BANK1: variants seen among roughly 807,000 people sequenced by gnomAD.
BANK1 encodes B-cell scaffold protein with ankyrin repeats.
Under a neutral mutation model 94.5 loss-of-function variants are expected in BANK1, and 95 were observed. The ratio of observed to expected loss-of-function variants is 1.00; its 90% CI spans 0.85 to 1.19. BANK1 has a LOEUF of 1.19. BANK1 is among the 50% of genes most tolerant of loss of function. The pLI is 0.00. For missense variants in BANK1, 987 were observed against 932.2 expected (o/e 1.06, Z -0.77); for synonymous variants, 334 against 308.4 (o/e 1.08, Z -0.87).
intron 5 of BANK1, among the ~76,000 whole-genome samples, chr4:101,881,002 A>G (rs1045071573): frequency 1.3e-4 from 20 of 152,160 alleles, no homozygotes; most frequent in Admixed American, 1.3e-3. Flanking sequence ...TCTCCAGGAC[A>G]TTGGTTTGGG....
At chr4:101,996,869 CT>C (rs1214056939) in intron 7 of BANK1, among the ~76,000 whole-genome samples, 11 of 152,186 alleles carry the variant, frequency 7.2e-5, no homozygotes, top group Admixed American at 6.5e-4. Context: ...ATCATGTCAT[CT>C]GCAAACAGAG....
chr4:102,007,141 A>AT (rs2148939729), intron 7 of BANK1, among the ~76,000 whole-genome samples: 1 of 14,916 alleles, frequency 6.7e-5, no homozygotes, highest in Non-Finnish European at 1.7e-4. Context: ...TATAAAAAAT[A>AT]TATTTTATAT....
intron 2 of BANK1, among the ~76,000 whole-genome samples, chr4:101,846,525 T>C (rs1727252734): frequency 1.3e-5 from 2 of 152,170 alleles, no homozygotes; most frequent in African/African-American, 4.8e-5. Context: ...TTAAGAAGAC[T>C]GGGTAATTTT....
chr4:101,802,510 A>G (rs1023856044), intron 1 of BANK1, among the ~76,000 whole-genome samples: 6 of 152,196 alleles, frequency 3.9e-5, no homozygotes, highest in African/African-American at 7.2e-5. Flanking sequence ...GCTTTTTTAT[A>G]TATCTTTTAT....
chr4:101,844,088 A>T (rs1727158262), intron 2 of BANK1, among the ~76,000 whole-genome samples: 2 of 152,150 alleles, frequency 1.3e-5, no homozygotes, highest in Non-Finnish European at 2.9e-5. Context: ...CAGGCCTTTA[A>T]TCCATGGAGT....
At chr4:101,939,993 C>T (rs1176242971) in intron 7 of BANK1, among the ~76,000 whole-genome samples, 1 of 151,674 alleles carries the variant, frequency 6.6e-6, no homozygotes, top group Non-Finnish European at 1.5e-5. Flanking sequence ...AAATTCATCT[C>T]CTAGCTTCCC....
At chr4:101,899,086 C>T (rs755975937) in intron 6 of BANK1, among the ~76,000 whole-genome samples, 3 of 151,742 alleles carry the variant, frequency 2.0e-5, no homozygotes, top group African/African-American at 7.3e-5. Context: ...TGAAGTTTTA[C>T]GGACCTGTTC....
chr4:101,860,503 T>G (rs902626702), intron 3 of BANK1, among the ~76,000 whole-genome samples: 1 of 152,114 alleles, frequency 6.6e-6, no homozygotes, highest in African/African-American at 2.4e-5. Flanking sequence ...TGATCTCGGC[T>G]CACTGCAACT....
intron 6 of BANK1, among the ~76,000 whole-genome samples, chr4:101,913,207 A>AT (rs544165327): frequency 3.3e-5 from 5 of 152,018 alleles, no homozygotes; most frequent in African/African-American, 7.2e-5. Flanking sequence ...TTCAAAAGGA[A>AT]TTTTTTTTAA....
intron 5 of BANK1, among the ~76,000 whole-genome samples, chr4:101,873,933 G>C (rs773560584): frequency 6.6e-6 from 1 of 152,030 alleles, no homozygotes; most frequent in Non-Finnish European, 1.5e-5. Flanking sequence ...TTTGTAACTA[G>C]ATAACAATAT....
At chr4:101,999,782 CA>C (rs1274944801) in intron 7 of BANK1, among the ~76,000 whole-genome samples, 3 of 152,146 alleles carry the variant, frequency 2.0e-5, no homozygotes, top group Non-Finnish European at 2.9e-5. Flanking sequence ...GGAGATTTCT[CA>C]GTGACCTGGG....
chr4:101,992,265 G>T lies in BANK1; in HGVS notation c.1207-29249G>T, dbSNP rs141234238. Among the ~76,000 whole-genome samples the T allele has an allele frequency of 1.8e-3, 270 of 152,220 alleles. 1 individual carries two copies. Among genetic ancestry groups the T allele is most frequent in the African/African-American group, 6.2e-3 (256 of 41,556 alleles). On this transcript the variant is annotated intron_variant, in intron 7 of 16. Transcript: ENST00000322953. ...TCAACAAGAATGTTTGTGAAATCATGCATTGATGACCAGTGGATTTCTCAA... is the reference window on the plus strand; with the variant it reads ...TCAACAAGAATGTTTGTGAAATCATTCATTGATGACCAGTGGATTTCTCAA...
intron 2 of BANK1, among the ~76,000 whole-genome samples, chr4:101,834,115 G>A (rs1274659799): frequency 6.6e-6 from 1 of 152,060 alleles, no homozygotes; most frequent in African/African-American, 2.4e-5. Context: ...AAAAATATTT[G>A]ATATATACCT....
intron 7 of BANK1, among the ~76,000 whole-genome samples, chr4:102,011,511 G>A (rs779864486): frequency 5.3e-4 from 80 of 152,208 alleles, no homozygotes; most frequent in Non-Finnish European, 8.2e-4. Context: ...AACACCCTTC[G>A]CGCCTTGGGT....
At chr4:101,835,695 C>G (rs1411518688) in intron 2 of BANK1, among the ~76,000 whole-genome samples, 1 of 152,198 alleles carries the variant, frequency 6.6e-6, no homozygotes, top group Non-Finnish European at 1.5e-5. Context: ...CTTAAGAACT[C>G]TGACTCACTG....
intron 6 of BANK1, among the ~76,000 whole-genome samples, chr4:101,896,538 A>G (rs1457083750): frequency 6.6e-6 from 1 of 151,998 alleles, no homozygotes; most frequent in Non-Finnish European, 1.5e-5. Flanking sequence ...ATGGTATGCT[A>G]ACTGTGAATA....
intron 7 of BANK1, among the ~76,000 whole-genome samples, chr4:101,951,437 C>T (rs1444335812): frequency 6.6e-6 from 1 of 152,040 alleles, no homozygotes; most frequent in East Asian, 1.9e-4. Context: ...CACCAGTTTA[C>T]AGGGAAAAGT....
chr4:102,018,255 T>C (rs1258441768), intron 7 of BANK1, among the ~76,000 whole-genome samples: 2 of 152,238 alleles, frequency 1.3e-5, no homozygotes, highest in Non-Finnish European at 2.9e-5. Flanking sequence ...GGGTAATACA[T>C]AGAATGTTAC....
At chr4:101,941,904 G>A (rs1723758547) in intron 7 of BANK1, among the ~76,000 whole-genome samples, 1 of 151,764 alleles carries the variant, frequency 6.6e-6, no homozygotes, top group Admixed American at 6.6e-5. Flanking sequence ...TGACCCTCAT[G>A]ATGATCCACT....
Sources: allele counts gnomAD v4.1 joint callset (sites outside exome capture counted in the v4.1 genomes callset), GRCh38; gene constraint gnomAD v4.1.1; transcripts MANE v1.5; gene names NCBI Gene and HGNC (gene_info 2026-07-23, HGNC 2026-07-21).